The following PTPRD variants were observed in gnomAD, a reference collection of about 807,000 sequenced individuals.
PTPRD encodes protein tyrosine phosphatase receptor type D.
In PTPRD, 34 loss-of-function variants were observed where a neutral mutation model predicts 214.5. The ratio of observed to expected loss-of-function variants is 0.16; its 90% CI spans 0.12 to 0.21. The LOEUF is 0.21. Ranked by LOEUF, PTPRD falls within the 10% of genes least tolerant of loss-of-function variation. The probability of loss-of-function intolerance (pLI) is 1.00; values close to 1 mark genes in which losing one functional copy is unlikely to be tolerated. For synonymous variants in PTPRD, 1,128 were observed against 845.7 expected (o/e 1.33, Z -5.79); for missense variants, 2,545 against 2,398.7 (o/e 1.06, Z -1.27).
rs566229251 is a variant in PTPRD, at chr9:10,603,818, A to C, written c.-600+8580T>G. On this transcript the variant is annotated intron_variant, in intron 2 of 45. Coordinates refer to ENST00000381196, the MANE Select transcript of PTPRD (RefSeq NM_002839.4). ...AATAAAAAGATCATAGTGACCTTGAAACCATCTCTGATTTAGAAACAAAAA... is the reference window on the plus strand; with the variant it reads ...AATAAAAAGATCATAGTGACCTTGACACCATCTCTGATTTAGAAACAAAAA... Among the ~76,000 whole-genome samples the C allele has an allele frequency of 2.6e-5, 4 of 151,918 alleles. No individual in the cohort carries two copies. The South Asian group carries it at 8.3e-4, about 31-fold the overall frequency.
chr9:9,939,373 G>A (rs950709478), intron 4 of PTPRD, among the ~76,000 whole-genome samples: 1 of 152,102 alleles, frequency 6.6e-6, no homozygotes. Context: ...TGCAAGAGAT[G>A]CAGCACTGTA....
chr9:8,320,436 A>G (rs1826224997), intron 44 of PTPRD, among the ~76,000 whole-genome samples: 1 of 152,082 alleles, frequency 6.6e-6, no homozygotes. Flanking sequence ...GATGCCCATA[A>G]CCTAAATGTA....
At chr9:10,421,140 C>G (rs1421940924) in intron 2 of PTPRD, among the ~76,000 whole-genome samples, 2 of 151,922 alleles carry the variant, frequency 1.3e-5, no homozygotes, top group East Asian at 4.0e-4. Flanking sequence ...GGGCTGCATT[C>G]AAAGCCATCC....
At chr9:8,468,854 A>C (rs2096597652) in intron 31 of PTPRD, among the ~76,000 whole-genome samples, 1 of 151,616 alleles carries the variant, frequency 6.6e-6, no homozygotes, top group Non-Finnish European at 1.5e-5. Context: ...GAGTAAGCAT[A>C]AAGTGAGGCC....
intron 39 of PTPRD, among the ~76,000 whole-genome samples, chr9:8,368,686 T>TTC (rs2134246564): frequency 6.6e-6 from 1 of 151,708 alleles, no homozygotes; most frequent in South Asian, 2.1e-4. Flanking sequence ...CTTTTTTTTT[T>TTC]TTTTTTTTGG....
At chr9:9,238,413 C>T (rs549161128) in intron 9 of PTPRD, among the ~76,000 whole-genome samples, 1 of 152,194 alleles carries the variant, frequency 6.6e-6, no homozygotes, top group African/African-American at 2.4e-5. Flanking sequence ...ATACAGACTC[C>T]ACTTTTTGGA....
At chr9:10,538,375 T>A (rs10156436) in intron 2 of PTPRD, among the ~76,000 whole-genome samples, 58,840 of 151,456 alleles carry the variant, frequency 0.39, 12,688 homozygotes, top group Non-Finnish European at 0.5. Flanking sequence ...TTGTTCATAT[T>A]TCCCCCTCTC....
intron 7 of PTPRD, among the ~76,000 whole-genome samples, chr9:9,587,974 A>G (rs1263838140): frequency 6.6e-6 from 1 of 152,014 alleles, no homozygotes; most frequent in African/African-American, 2.4e-5. Flanking sequence ...AGTATTTTGT[A>G]TACTTCAAAG....
chr9:8,921,717 C>T (rs1431962469), intron 11 of PTPRD, among the ~76,000 whole-genome samples: 1 of 152,000 alleles, frequency 6.6e-6, no homozygotes, highest in Admixed American at 6.5e-5. Flanking sequence ...TAGTCTCGAA[C>T]TCCCGACCTC....
chr9:9,972,384 CG>C (rs1433903102), intron 4 of PTPRD, among the ~76,000 whole-genome samples: 3 of 152,128 alleles, frequency 2.0e-5, no homozygotes, highest in Non-Finnish European at 4.4e-5. Context: ...TTTTCTGTTT[CG>C]GTAACTGTCA....
chr9:8,400,528 C>T (rs1276162387), intron 36 of PTPRD, among the ~76,000 whole-genome samples: 1 of 152,104 alleles, frequency 6.6e-6, no homozygotes, highest in African/African-American at 2.4e-5. Context: ...TTTATGTTAT[C>T]CATAAGGCTA....
Position 8,414,930 on chromosome 9 carries a change from G to GAGAGAGAGA in PTPRD, c.4087-10271_4087-10270insTCTCTCTCT, listed in dbSNP as rs2093802531. ...GAGGGAGGGGGAGAGAGAGGGAGGG[G>GAGAGAGAGA]GAGAGAGAGAGAGAGAGAGAGAGAG... On this transcript the variant is annotated intron_variant, in intron 35 of 45. Coordinates refer to ENST00000381196, the MANE Select transcript of PTPRD (RefSeq NM_002839.4). Among the ~76,000 whole-genome samples the GAGAGAGAGA allele has an allele frequency of 2.2e-3, 109 of 49,248 alleles. 1 individual carries two copies. Among genetic ancestry groups the GAGAGAGAGA allele is most frequent in the African/African-American group, 7.8e-3 (100 of 12,862 alleles). 32.3% of individuals were successfully genotyped at this position (49,248 alleles called of 152,430 possible).
intron 2 of PTPRD, among the ~76,000 whole-genome samples, chr9:10,385,865 A>T (rs910609282): frequency 6.6e-6 from 1 of 151,890 alleles, no homozygotes; most frequent in Non-Finnish European, 1.5e-5. Flanking sequence ...AGTAAAGCTT[A>T]GAACAATACT....
At chr9:9,868,668 G>A (rs1026528812) in intron 5 of PTPRD, among the ~76,000 whole-genome samples, 5 of 151,366 alleles carry the variant, frequency 3.3e-5, no homozygotes, top group African/African-American at 1.2e-4. Context: ...CTAGTTTCAA[G>A]CAGGGTATTA....
At chr9:8,572,080 G>A (rs770755946) in intron 14 of PTPRD, among the ~76,000 whole-genome samples, 18 of 152,128 alleles carry the variant, frequency 1.2e-4, no homozygotes, top group Middle Eastern at 3.4e-3. Context: ...ATTTTTTCAC[G>A]TAATTTAGAA....
At position 8,633,507 on chromosome 9, in the gene PTPRD, C is replaced by G. The variant is rs141171244; in HGVS notation, c.211-49G>C. 194 of 1,598,824 alleles carry G rather than the reference C, an allele frequency of 1.2e-4. 1 individual carries two copies. The African/African-American group carries it at 2.2e-3, about 19-fold the overall frequency. ...CACAGGTGTTGTTACAATTGTCTAC[C>G]TCTCAGCTAAAGCTCTCAATACAGT... On this transcript the variant is annotated intron_variant, in intron 13 of 45. Transcript: ENST00000381196.
At chr9:10,450,088 G>A (rs2098830252) in intron 2 of PTPRD, among the ~76,000 whole-genome samples, 1 of 151,652 alleles carries the variant, frequency 6.6e-6, no homozygotes, top group Non-Finnish European at 1.5e-5. Flanking sequence ...CAAGTACCCA[G>A]GGACACAAAC....
chr9:9,964,198 G>T (rs368227581), intron 4 of PTPRD, among the ~76,000 whole-genome samples: 26 of 148,490 alleles, frequency 1.8e-4, no homozygotes, highest in African/African-American at 5.6e-4. Context: ...GGGGAAAAAA[G>T]AATCATCAAG....
chr9:9,939,539 T>A (rs564404334), intron 4 of PTPRD, among the ~76,000 whole-genome samples: 4 of 152,152 alleles, frequency 2.6e-5, no homozygotes, highest in Non-Finnish European at 5.9e-5. Context: ...AAAACCAGGA[T>A]TGACCAGGTC....
Sources: allele counts gnomAD v4.1 joint callset (sites outside exome capture counted in the v4.1 genomes callset), GRCh38; gene constraint gnomAD v4.1.1; transcripts MANE v1.5; gene names NCBI Gene and HGNC (gene_info 2026-07-23, HGNC 2026-07-21).